GALNT13: variants seen among roughly 807,000 people sequenced by gnomAD.
The protein encoded by GALNT13 is polypeptide N-acetylgalactosaminyltransferase 13.
In GALNT13, 28 loss-of-function variants were observed where a neutral mutation model predicts 64.2. The ratio of observed to expected loss-of-function variants is 0.44; its 90% CI spans 0.32 to 0.60. GALNT13 has a LOEUF of 0.60. GALNT13 is among the 20% of genes least tolerant of loss of function. GALNT13 has a pLI of 0.05. For synonymous variants in GALNT13, 214 were observed against 224.6 expected, an observed-to-expected ratio of 0.95 and a Z score of 0.42; for missense variants, 577 against 669.8, an observed-to-expected ratio of 0.86 and a Z score of 1.53.
chr2:154,067,934 C>T (rs1445392582), intron 3 of GALNT13, among the ~76,000 whole-genome samples: 1 of 82,188 alleles, frequency 1.2e-5, no homozygotes, highest in East Asian at 7.1e-4. Context: ...AGACAACCCA[C>T]AGAATGGAAG....
At chr2:153,139,416 A>T in the GALNT13 span, among the ~76,000 whole-genome samples, 343 of 152,160 alleles carry the variant, frequency 2.3e-3, 2 homozygotes, top group African/African-American at 8.1e-3. Context: ...GTCCAGAGGG[A>T]TACAAAGTAG....
At chr2:153,084,542 A>G in the GALNT13 span, among the ~76,000 whole-genome samples, 5 of 152,164 alleles carry the variant, frequency 3.3e-5, no homozygotes, top group African/African-American at 1.2e-4. Context: ...TGTCAAGGGC[A>G]GGGCCAGGTG....
chr2:153,905,951 T>C (rs1256193369), intron 2 of GALNT13, among the ~76,000 whole-genome samples: 1 of 151,880 alleles, frequency 6.6e-6, no homozygotes, highest in Admixed American at 6.6e-5. Context: ...AGCATGAGGA[T>C]GCTGGACAAA....
At chr2:154,149,912 C>A (rs1683876567) in intron 4 of GALNT13, among the ~76,000 whole-genome samples, 1 of 152,078 alleles carries the variant, frequency 6.6e-6, no homozygotes, top group Admixed American at 6.6e-5. Flanking sequence ...AATTGAATAC[C>A]CTTTATTTCC....
At chr2:153,844,784 T>G in the GALNT13 span, among the ~76,000 whole-genome samples, 1 of 152,214 alleles carries the variant, frequency 6.6e-6, no homozygotes, top group Non-Finnish European at 1.5e-5. Context: ...GCCAGCCACA[T>G]CCTGAATGCT....
chr2:153,323,637 C>A, the GALNT13 span, among the ~76,000 whole-genome samples: 311 of 152,258 alleles, frequency 2.0e-3, no homozygotes, highest in African/African-American at 6.8e-3. Flanking sequence ...ACATTTAAGT[C>A]TTCAATCCAT....
intron 4 of GALNT13, among the ~76,000 whole-genome samples, chr2:154,199,069 C>T (rs1388643576): frequency 6.6e-6 from 1 of 151,676 alleles, no homozygotes; most frequent in Non-Finnish European, 1.5e-5. Context: ...GAGCTGGACT[C>T]AGGGTGGGGA....
At position 154,298,586 on chromosome 2, in the gene GALNT13, ATTT is replaced by A. The variant is rs1559075552; in HGVS notation, c.976-2822_976-2820del. Among the ~76,000 whole-genome samples the A allele has an allele frequency of 1.7e-4, 6 of 36,166 alleles. 1 individual carries two copies. The highest frequency in any genetic ancestry group is 6.3e-4 in the African/African-American group (6 of 9,586). The allele number at this position is 36,166 out of a possible 152,430, so 23.7% of individuals were successfully genotyped here. ...AATTTATATATAAATTGTATATATAATTTATATATACAATGTATATATTAATTT... is the reference window on the plus strand; with the variant it reads ...AATTTATATATAAATTGTATATATAAATATATACAATGTATATATTAATTT... On this transcript the variant is annotated intron_variant, in intron 8 of 12. Coordinates refer to ENST00000392825, the MANE Select transcript of GALNT13 (RefSeq NM_052917.4).
chr2:153,130,084 G>A, the GALNT13 span, among the ~76,000 whole-genome samples: 1 of 152,110 alleles, frequency 6.6e-6, no homozygotes, highest in Non-Finnish European at 1.5e-5. Context: ...CTAATACCAA[G>A]TGCATCAGCG....
the GALNT13 span, among the ~76,000 whole-genome samples, chr2:153,235,227 T>A: frequency 1.3e-5 from 2 of 152,198 alleles, no homozygotes; most frequent in Admixed American, 1.3e-4. Flanking sequence ...CTCCACAATG[T>A]CCTCTAAGTA....
chr2:154,086,771 C>T (rs943003445), intron 3 of GALNT13, among the ~76,000 whole-genome samples: 4 of 88,712 alleles, frequency 4.5e-5, no homozygotes, highest in African/African-American at 1.5e-4. Context: ...AGCATACGCG[C>T]ACACACACAC....
chr2:153,243,973 T>C, the GALNT13 span, among the ~76,000 whole-genome samples: 11 of 152,064 alleles, frequency 7.2e-5, no homozygotes, highest in African/African-American at 2.7e-4. Flanking sequence ...TATACAATTT[T>C]ATTAAAAACT....
chr2:153,095,676 G>A, the GALNT13 span, among the ~76,000 whole-genome samples: 1 of 152,126 alleles, frequency 6.6e-6, no homozygotes, highest in Non-Finnish European at 1.5e-5. Flanking sequence ...AGAAAATGTG[G>A]CACATATACA....
chr2:153,783,409 GTTGTTTGT>G, the GALNT13 span, among the ~76,000 whole-genome samples: 1 of 151,688 alleles, frequency 6.6e-6, no homozygotes, highest in Non-Finnish European at 1.5e-5. Flanking sequence ...TTTTTTTGTT[GTTGTTTGT>G]TTGTTTGTTT....
the GALNT13 span, among the ~76,000 whole-genome samples, chr2:153,435,303 C>G: frequency 6.6e-6 from 1 of 152,058 alleles, no homozygotes; most frequent in Non-Finnish European, 1.5e-5. Flanking sequence ...ATTGACTTGG[C>G]GATGCAGGCT....
the GALNT13 span, among the ~76,000 whole-genome samples, chr2:153,195,003 G>A: frequency 5.9e-5 from 9 of 152,144 alleles, no homozygotes; most frequent in Non-Finnish European, 1.2e-4. Context: ...AGCCCCGGGT[G>A]GTATATGTTG....
the GALNT13 span, among the ~76,000 whole-genome samples, chr2:153,376,601 T>C: frequency 6.6e-6 from 1 of 152,022 alleles, no homozygotes; most frequent in East Asian, 1.9e-4. Flanking sequence ...CAAAATTTGG[T>C]GACTGACTGC....
the GALNT13 span, among the ~76,000 whole-genome samples, chr2:153,476,363 T>C: frequency 0.23 from 35,217 of 152,162 alleles, 4,242 homozygotes; most frequent in Middle Eastern, 0.25. Context: ...TTGTGAAGTC[T>C]TTGAAATTTT....
At chr2:153,348,684 GTC>G in the GALNT13 span, among the ~76,000 whole-genome samples, 1 of 152,218 alleles carries the variant, frequency 6.6e-6, no homozygotes, top group African/African-American at 2.4e-5. Flanking sequence ...AATGGATGGA[GTC>G]TGTGTGTTTT....
Sources: gnomAD v4.1 joint callset for allele counts (sites outside exome capture counted in the v4.1 genomes callset) on GRCh38, gnomAD v4.1.1 for gene constraint, MANE v1.5 for transcripts, NCBI Gene and HGNC (gene_info 2026-07-23, HGNC 2026-07-21) for gene names.